The following FAT3 variants were observed in gnomAD, a reference collection of about 807,000 sequenced individuals.
FAT3 encodes protocadherin Fat 3.
FAT3 carries 95 observed loss-of-function variants against 310.2 expected under a neutral mutation model. That is an observed-to-expected ratio of 0.31 (90% CI 0.26 to 0.36). FAT3 has a LOEUF of 0.36. Among genes scored for constraint, FAT3 ranks in the 10% least tolerant of loss-of-function variants. The pLI is 1.00. For missense variants in FAT3, 5,408 were observed against 5,715.6 expected (o/e 0.95, Z 1.74); for synonymous variants, 2,314 against 2,192.9 (o/e 1.06, Z -1.54).
At chr11:92,626,962 G>A (rs1941362924) in intron 3 of FAT3, among the ~76,000 whole-genome samples, 1 of 152,096 alleles carries the variant, frequency 6.6e-6, no homozygotes, top group Non-Finnish European at 1.5e-5. Flanking sequence ...ATATCCTTAA[G>A]AAAAAATGAG....
At chr11:92,848,408 C>T (rs1948739730) in intron 19 of FAT3, among the ~76,000 whole-genome samples, 1 of 152,088 alleles carries the variant, frequency 6.6e-6, no homozygotes, top group Non-Finnish European at 1.5e-5. Context: ...AAGACTGACA[C>T]CAACTTAAAT....
intron 2 of FAT3, among the ~76,000 whole-genome samples, chr11:92,470,816 C>T (rs527273889): frequency 1.0e-3 from 154 of 152,168 alleles, no homozygotes; most frequent in African/African-American, 3.6e-3. Context: ...CCTGATAGTC[C>T]AATTCTTAAA....
chr11:92,561,209 C>T (rs1955212731), intron 3 of FAT3, among the ~76,000 whole-genome samples: 1 of 151,598 alleles, frequency 6.6e-6, no homozygotes, highest in East Asian at 1.9e-4. Context: ...ACTTTTACAG[C>T]TATTCCTTCA....
At chr11:92,430,433 C>T (rs188928569) in intron 2 of FAT3, among the ~76,000 whole-genome samples, 14 of 152,156 alleles carry the variant, frequency 9.2e-5, no homozygotes, top group East Asian at 5.8e-4. Flanking sequence ...TGGAATTTTC[C>T]GCCTTTTGCA....
intron 1 of FAT3, among the ~76,000 whole-genome samples, chr11:92,225,809 C>G (rs1468046549): frequency 5.3e-5 from 8 of 152,116 alleles, no homozygotes; most frequent in African/African-American, 1.7e-4. Flanking sequence ...GGCGGCTCTT[C>G]GACTGGGGAC....
chr11:92,292,883 C>G (rs183375864), intron 1 of FAT3, among the ~76,000 whole-genome samples: 71 of 152,072 alleles, frequency 4.7e-4, no homozygotes, highest in Admixed American at 2.2e-3. Context: ...TTTGCTGGTT[C>G]TCGCTTGTAG....
intron 1 of FAT3, among the ~76,000 whole-genome samples, chr11:92,351,735 CA>C: frequency 6.6e-6 from 1 of 152,124 alleles, no homozygotes; most frequent in East Asian, 1.9e-4. Flanking sequence ...ATAATTACTG[CA>C]AAGGCAGTTC....
chr11:92,633,330 C>T (rs1211132909), intron 3 of FAT3, among the ~76,000 whole-genome samples: 2 of 151,916 alleles, frequency 1.3e-5, no homozygotes, highest in Admixed American at 6.6e-5. Context: ...TGATGGATGT[C>T]CCCAGATAAC....
intron 2 of FAT3, among the ~76,000 whole-genome samples, chr11:92,442,519 T>C (rs528375030): frequency 9.3e-4 from 141 of 152,244 alleles, no homozygotes; most frequent in African/African-American, 3.3e-3. Flanking sequence ...ATAGCCTCCC[T>C]GCTGTGATGA....
chr11:92,794,094 T>C (rs1156776207), intron 9 of FAT3, among the ~76,000 whole-genome samples: 1 of 152,166 alleles, frequency 6.6e-6, no homozygotes, highest in Non-Finnish European at 1.5e-5. Flanking sequence ...TTTACCTATT[T>C]TTTTTCTAGG....
chr11:92,337,065 C>CCTCTTAACATCCCTGA, intron 1 of FAT3, among the ~76,000 whole-genome samples: 1 of 152,254 alleles, frequency 6.6e-6, no homozygotes. Flanking sequence ...GAAGTTCCTG[C>CCTCTTAACATCCCTGA]CTCTTAACAT....
chr11:92,605,062 G>T (rs1591511404), intron 3 of FAT3, among the ~76,000 whole-genome samples: 1 of 152,140 alleles, frequency 6.6e-6, no homozygotes, highest in African/African-American at 2.4e-5. Context: ...TTTGTGTCCT[G>T]ATGAAGCCTT....
At chr11:92,597,557 A>G (rs1939775390) in intron 3 of FAT3, among the ~76,000 whole-genome samples, 1 of 152,194 alleles carries the variant, frequency 6.6e-6, no homozygotes, top group South Asian at 2.1e-4. Flanking sequence ...GCTTGTGTGG[A>G]GAGCAGCAGT....
At chr11:92,602,097 G>T (rs1336320364) in intron 3 of FAT3, among the ~76,000 whole-genome samples, 2 of 151,412 alleles carry the variant, frequency 1.3e-5, no homozygotes, top group African/African-American at 2.4e-5. Context: ...TTTTGAGATG[G>T]AGTTTAGCTC....
At chr11:92,457,699 A>G (rs902902096) in intron 2 of FAT3, among the ~76,000 whole-genome samples, 7 of 152,122 alleles carry the variant, frequency 4.6e-5, no homozygotes, top group African/African-American at 1.7e-4. Flanking sequence ...AGGCGGGCGG[A>G]TCGCCTGAGG....
At chr11:92,480,770 A>C (rs1591348445) in intron 2 of FAT3, among the ~76,000 whole-genome samples, 2 of 152,108 alleles carry the variant, frequency 1.3e-5, no homozygotes, top group African/African-American at 4.8e-5. Context: ...CCAGTTGCTG[A>C]TTTTGGCTTT....
At chr11:92,471,035 ATTAGTT>A (rs1207285342) in intron 2 of FAT3, among the ~76,000 whole-genome samples, 1 of 152,126 alleles carries the variant, frequency 6.6e-6, no homozygotes, top group African/African-American at 2.4e-5. Context: ...CTTCTGTAAC[ATTAGTT>A]TTAATGTCTG....
chr11:92,339,226 T>C lies in FAT3; in HGVS notation c.-17-12870T>C, dbSNP rs368521940. ...AGGACATTTAGTAGCATCTCTGGCC[T>C]ATACCCACTAGATGCCTGCAGCATC... On this transcript the variant is annotated intron_variant, in intron 1 of 27. Coordinates refer to ENST00000525166, the MANE Select transcript of FAT3 (RefSeq NM_001367949.2). Among the ~76,000 whole-genome samples the C allele has an allele frequency of 6.6e-5, 10 of 152,312 alleles. No homozygotes were observed. The East Asian group carries it at 1.4e-3, about 21-fold the overall frequency.
intron 2 of FAT3, among the ~76,000 whole-genome samples, chr11:92,408,611 C>T (rs138460544): frequency 4.9e-4 from 74 of 152,316 alleles, no homozygotes; most frequent in African/African-American, 1.8e-3. Flanking sequence ...TTTTGTCCTT[C>T]TTTGCCTGTT....
Sources: allele counts gnomAD v4.1 joint callset (sites outside exome capture counted in the v4.1 genomes callset), GRCh38; gene constraint gnomAD v4.1.1; transcripts MANE v1.5; gene names NCBI Gene and HGNC (gene_info 2026-07-23, HGNC 2026-07-21).